The following MYH9 variants were observed in gnomAD, a reference collection of about 807,000 sequenced individuals.
MYH9 encodes myosin heavy chain 9.
MYH9 carries 29 observed loss-of-function variants against 241.9 expected under a neutral mutation model. That is an observed-to-expected ratio of 0.12 (90% CI 0.09 to 0.16). MYH9 has a LOEUF of 0.16. Ranked by LOEUF, MYH9 falls within the 10% of genes least tolerant of loss-of-function variation. The probability of loss-of-function intolerance (pLI) is 1.00; values close to 1 mark genes in which losing one functional copy is unlikely to be tolerated. For missense variants in MYH9, 1,803 were observed against 2,595.5 expected, an observed-to-expected ratio of 0.69 and a Z score of 6.63; for synonymous variants, 1,047 against 1,062.6, an observed-to-expected ratio of 0.99 and a Z score of 0.29.
intron 20 of MYH9, 163 bp from the exon 21 acceptor site, chr22:36,301,828 A>G (rs2016882612): frequency 1.1e-6 from 1 of 895,484 alleles, no homozygotes; most frequent in Non-Finnish European, 1.7e-6. Context: ...GGCGCTCTGT[A>G]CCACGGGCTT....
In MYH9 at chr22:36,379,288, A is replaced by C. The variant is rs546115712; in HGVS notation, c.-20+8519T>G. On this transcript the variant is annotated intron_variant, in intron 1 of 40. Transcript: ENST00000216181. ...TTCGGGAGGCCGAGGCGGGTGGATC[A>C]TGAGGTCAGGAGATGGAGACCATCC... Among the ~76,000 whole-genome samples, 6 of 152,296 alleles carry C rather than the reference A, an allele frequency of 3.9e-5. No individual in the cohort carries two copies. The East Asian group carries it at 7.7e-4, about 20-fold the overall frequency.
chr22:36,290,092 G>A (rs1375108751), intron 31 of MYH9, among the ~76,000 whole-genome samples: 1 of 152,058 alleles, frequency 6.6e-6, no homozygotes, highest in African/African-American at 2.4e-5. Flanking sequence ...CAGATCTTTT[G>A]GAATAAGGAA....
chr22:36,387,142 C>T (rs1421608115), intron 1 of MYH9, among the ~76,000 whole-genome samples: 2 of 152,084 alleles, frequency 1.3e-5, no homozygotes, highest in African/African-American at 4.8e-5. Context: ...CCGGGTCCCC[C>T]TTGTCCGGGC....
rs1006156321 is a variant in MYH9 at position 36,282,657 on chromosome 22, G to A, written c.*11C>T. ...GTCTGTCCATCCATCTCAGGCTGCA[G>A]GAGAAGAGGCTTATTCGGCAGGTTT... is the stretch of plus-strand genomic sequence containing the variant. On this transcript the variant is annotated 3_prime_UTR_variant, in exon 41 of 41. Transcript: ENST00000216181. 1 of 1,612,438 alleles carries A rather than the reference G, an allele frequency of 6.2e-7. No homozygotes were observed. The highest frequency in any genetic ancestry group is 8.5e-7 in the Non-Finnish European group (1 of 1,178,802).
chr22:36,325,166 T>G (rs765642569), intron 5 of MYH9: 1 of 742,392 alleles, frequency 1.3e-6, no homozygotes, highest in Non-Finnish European at 2.5e-6. Context: ...GAGAGAGGGA[T>G]GGAGAGAGAG....
intron 1 of MYH9, among the ~76,000 whole-genome samples, chr22:36,377,835 C>T (rs1436887084): frequency 3.3e-5 from 5 of 151,924 alleles, no homozygotes; most frequent in Non-Finnish European, 5.9e-5. Flanking sequence ...GGCGTGAACC[C>T]GAGAGGCGGA....
intron 31 of MYH9, among the ~76,000 whole-genome samples, chr22:36,290,349 A>AG (rs1569534848): frequency 1.3e-5 from 2 of 151,578 alleles, no homozygotes; most frequent in African/African-American, 4.8e-5. Context: ...AAAAAAAAAA[A>AG]AAAAAAAAAC....
intron 12 of MYH9, among the ~76,000 whole-genome samples, 177 bp from the exon 13 acceptor site, chr22:36,314,495 C>T (rs761111547): frequency 6.6e-6 from 1 of 152,168 alleles, no homozygotes; most frequent in Non-Finnish European, 1.5e-5. Flanking sequence ...CAGCAGTGGG[C>T]AACATTTACT....
chr22:36,281,507 T>TAA lies in MYH9; in HGVS notation c.*1159_*1160dup. ...TCATGATTTGAGAGTTTGTTTCCTT[T>TAA]AAAAAAAAAAAATGCCTTCTTGCCG... On this transcript the variant is annotated 3_prime_UTR_variant, in exon 41 of 41. Transcript: ENST00000216181. 15 of 206,942 alleles carry TAA rather than the reference T, an allele frequency of 7.2e-5. No homozygotes were observed. The highest frequency in any genetic ancestry group is 3.8e-4 in the East Asian group (5 of 13,250). 12.8% of individuals were successfully genotyped at this position (206,942 alleles called of 1,614,324 possible).
intron 14 of MYH9, among the ~76,000 whole-genome samples, chr22:36,311,352 G>A (rs2146353764): frequency 6.6e-6 from 1 of 152,244 alleles, no homozygotes; most frequent in East Asian, 1.9e-4. Flanking sequence ...CCACAGCAGT[G>A]GCAATTCCCC....
chr22:36,351,079 A>G (rs184450721), intron 1 of MYH9, among the ~76,000 whole-genome samples: 3 of 152,320 alleles, frequency 2.0e-5, no homozygotes, highest in South Asian at 2.1e-4. Flanking sequence ...ACAAAGGGAA[A>G]AATCTAGGCT....
chr22:36,304,808 T>G (rs1296629796), intron 18 of MYH9, among the ~76,000 whole-genome samples: 1 of 152,234 alleles, frequency 6.6e-6, no homozygotes, highest in Non-Finnish European at 1.5e-5. Flanking sequence ...TGGCTACAGT[T>G]CTTGTCTCCT....
chr22:36,332,116 C>T (rs1454435629), intron 3 of MYH9, among the ~76,000 whole-genome samples: 1 of 152,172 alleles, frequency 6.6e-6, no homozygotes, highest in East Asian at 1.9e-4. Context: ...CCCCAGGACT[C>T]CCCTCCATCG....
rs2016740476 is a variant in MYH9, at chr22:36,293,565, G to A, written c.3943-84C>T. 6.4e-7 allele frequency: 1 copy of A among 1,573,904 alleles called. No homozygotes were observed. The highest frequency in any genetic ancestry group is 8.7e-7 in the Non-Finnish European group (1 of 1,153,792). ...ACCCCACACCCTTGAGGAGAGGGAGGAGCTGGTCCTGCTGATTTAGGGGAT... is the reference window on the plus strand; with the variant it reads ...ACCCCACACCCTTGAGGAGAGGGAGAAGCTGGTCCTGCTGATTTAGGGGAT... On this transcript the variant is annotated intron_variant, in intron 29 of 40. Coordinates refer to ENST00000216181, the MANE Select transcript of MYH9 (RefSeq NM_002473.6). The surrounding 1 kb of genome is among the most constrained non-coding windows in gnomAD (Gnocchi z 5.1).
chr22:36,304,968 C>T, intron 18 of MYH9, 65 bp downstream of exon 18: 1 of 1,508,006 alleles, frequency 6.6e-7, no homozygotes, highest in East Asian at 2.3e-5. Flanking sequence ...GGGCCCTGGC[C>T]ACGTGGGCAC....
intron 9 of MYH9, chr22:36,319,908 T>G (rs2017223272): frequency 1.6e-6 from 1 of 610,608 alleles, no homozygotes; most frequent in South Asian, 1.9e-5. Context: ...TATCCCCAGC[T>G]TCTTCCACAC....
intron 1 of MYH9, among the ~76,000 whole-genome samples, chr22:36,359,093 C>G (rs572621684): frequency 6.6e-6 from 1 of 152,340 alleles, no homozygotes; most frequent in Admixed American, 6.5e-5. Context: ...ACGCTCCCTT[C>G]TCTAAAGACT....
At chr22:36,360,144 T>A (rs1422115459) in intron 1 of MYH9, among the ~76,000 whole-genome samples, 1 of 144,382 alleles carries the variant, frequency 6.9e-6, no homozygotes, top group East Asian at 2.2e-4. Context: ...CCCTCCCAAC[T>A]CCTCTATCTT....
Position 36,349,155 on chromosome 22 carries a change from C to A in MYH9, c.82G>T (p.Ala28Ser), listed in dbSNP as rs1408199233. Residue 28 changes from alanine to serine, a missense_variant, in exon 2 of 41, where the codon GCC becomes TCC. Transcript: ENST00000216181. ...NNPLAQADWA[A>S]KKLVWVPSDK... ...GAAGGCACCCATACCAGCTTCTTGGCAGCCCAGTCGGCCTGGGCCAGCGGA... is the reference window on the plus strand; with the variant it reads ...GAAGGCACCCATACCAGCTTCTTGGAAGCCCAGTCGGCCTGGGCCAGCGGA... 6.2e-7 allele frequency: 1 copy of A among 1,614,176 alleles called. No homozygotes were observed. Among genetic ancestry groups the A allele is most frequent in the Admixed American group, 1.7e-5 (1 of 60,024 alleles).
Sources: allele counts gnomAD v4.1 joint callset (sites outside exome capture counted in the v4.1 genomes callset), GRCh38; gene constraint gnomAD v4.1.1; non-coding constraint Gnocchi (gnomAD v3.1); transcripts MANE v1.5; gene names NCBI Gene and HGNC (gene_info 2026-07-23, HGNC 2026-07-21).